SAMD12: variants seen among roughly 807,000 people sequenced by gnomAD.
SAMD12 encodes the protein sterile alpha motif domain containing 12.
SAMD12 carries 9 observed loss-of-function variants against 15.0 expected under a neutral mutation model. That is an observed-to-expected ratio of 0.60 (90% CI 0.36 to 1.05). The LOEUF (loss-of-function observed/expected upper bound fraction) is 1.05. Ranked by LOEUF, SAMD12 falls within the 50% of genes least tolerant of loss-of-function variation. The pLI, the probability that SAMD12 is intolerant of heterozygous loss-of-function variation, is 0.01. For synonymous variants in SAMD12, 86 were observed against 90.1 expected (o/e 0.96, Z 0.25); for missense variants, 230 against 234.2 (o/e 0.98, Z 0.12).
chr8:118,348,844 A>G (rs1164848416), intron 4 of SAMD12, among the ~76,000 whole-genome samples: 2 of 152,228 alleles, frequency 1.3e-5, no homozygotes, highest in East Asian at 1.9e-4. Context: ...AACAGTCCCA[A>G]GTGGAGTTGG....
chr8:118,435,816 TTTTAA>T (rs1822561747), intron 3 of SAMD12, among the ~76,000 whole-genome samples: 1 of 152,190 alleles, frequency 6.6e-6, no homozygotes, highest in South Asian at 2.1e-4. Context: ...ATCTTTAAGA[TTTTAA>T]TTTAACTTAT....
chr8:118,442,223 T>C (rs1001844222), intron 2 of SAMD12, among the ~76,000 whole-genome samples: 1 of 152,250 alleles, frequency 6.6e-6, no homozygotes, highest in East Asian at 1.9e-4. Context: ...TAATTTTGTG[T>C]TCCCCAGAGT....
At chr8:118,612,779 C>T (rs979181729) in intron 1 of SAMD12, among the ~76,000 whole-genome samples, 1 of 152,176 alleles carries the variant, frequency 6.6e-6, no homozygotes, top group Non-Finnish European at 1.5e-5. Flanking sequence ...TAGTGGTTTA[C>T]TCATGATTAC....
chr8:118,176,321 G>A, the SAMD12 span, among the ~76,000 whole-genome samples: 1 of 151,938 alleles, frequency 6.6e-6, no homozygotes, highest in Admixed American at 6.6e-5. Context: ...AAAAGAATAT[G>A]AAAAAGAATA....
chr8:118,345,477 T>C (rs909921883), intron 4 of SAMD12, among the ~76,000 whole-genome samples: 3 of 152,196 alleles, frequency 2.0e-5, no homozygotes, highest in Non-Finnish European at 4.4e-5. Context: ...GAAAGGTTAG[T>C]AGTGGTACAA....
intron 2 of SAMD12, among the ~76,000 whole-genome samples, chr8:118,486,222 G>A (rs571072011): frequency 2.8e-4 from 43 of 152,008 alleles, no homozygotes; most frequent in East Asian, 3.9e-4. Context: ...AGACCATCCT[G>A]GCTAACACGG....
At chr8:118,558,160 C>A (rs888860560) in intron 2 of SAMD12, among the ~76,000 whole-genome samples, 1 of 152,074 alleles carries the variant, frequency 6.6e-6, no homozygotes, top group East Asian at 1.9e-4. Flanking sequence ...GCATATTTAT[C>A]TTTAGTTTTG....
At chr8:118,559,092 T>C (rs1329383593) in intron 2 of SAMD12, among the ~76,000 whole-genome samples, 2 of 152,220 alleles carry the variant, frequency 1.3e-5, no homozygotes, top group African/African-American at 2.4e-5. Flanking sequence ...ATTTTGGTTC[T>C]GGCATCTGTC....
intron 4 of SAMD12, among the ~76,000 whole-genome samples, chr8:118,272,605 C>T (rs1008918521): frequency 6.6e-6 from 1 of 152,154 alleles, no homozygotes; most frequent in African/African-American, 2.4e-5. Flanking sequence ...CTTTTATGGT[C>T]TGCTTCCTCT....
At chr8:118,317,399 TG>T (rs1815973617) in intron 4 of SAMD12, among the ~76,000 whole-genome samples, 1 of 152,048 alleles carries the variant, frequency 6.6e-6, no homozygotes, top group African/African-American at 2.4e-5. Context: ...ACGAGAATTA[TG>T]GAATGCATAA....
chr8:118,300,694 C>G (rs969367660), intron 4 of SAMD12, among the ~76,000 whole-genome samples: 1 of 152,190 alleles, frequency 6.6e-6, no homozygotes, highest in African/African-American at 2.4e-5. Context: ...ACAAGCCCTT[C>G]AGGCGATTCC....
At chr8:118,495,598 G>A (rs1824587573) in intron 2 of SAMD12, among the ~76,000 whole-genome samples, 1 of 143,576 alleles carries the variant, frequency 7.0e-6, no homozygotes, top group South Asian at 2.2e-4. Context: ...CTAATTTTTG[G>A]TTAAGAGAAT....
At chr8:118,547,094 C>T (rs991298042) in intron 2 of SAMD12, among the ~76,000 whole-genome samples, 4 of 152,130 alleles carry the variant, frequency 2.6e-5, no homozygotes, top group South Asian at 2.1e-4. Context: ...AACAGATAAA[C>T]GCAGAGATGG....
In SAMD12 at chr8:118,445,549, T is replaced by C. The variant is rs1201182606; in HGVS notation, c.193-5588A>G. Reference sequence around the variant, plus strand: ...TTAACAGGTAAAAGAAGAATACATATCCCCTTAGGTGAAAGAAAGATAAAT... The same window carrying C: ...TTAACAGGTAAAAGAAGAATACATACCCCCTTAGGTGAAAGAAAGATAAAT... On this transcript the variant is annotated intron_variant, in intron 2 of 3. Coordinates refer to ENST00000314727, the MANE Select transcript of SAMD12 (RefSeq NM_207506.3). Among the ~76,000 whole-genome samples, 4 of 152,136 alleles carry C rather than the reference T, an allele frequency of 2.6e-5. No homozygotes were observed. The East Asian group carries it at 7.7e-4, about 29-fold the overall frequency.
intron 4 of SAMD12, chr8:118,282,372 T>A (rs1813691401): frequency 2.2e-6 from 1 of 456,094 alleles, no homozygotes; most frequent in African/African-American, 2.0e-5. Context: ...TCGTATAGGC[T>A]GGTGTTGGTT....
In SAMD12 at chr8:118,486,724, T is replaced by TAA. The variant is rs60693787; in HGVS notation, c.193-46765_193-46764dup. Among the ~76,000 whole-genome samples the TAA allele has an allele frequency of 6.4e-3, 971 of 151,900 alleles. 11 individuals carry two copies. The highest frequency in any genetic ancestry group is 0.022 in the African/African-American group (900 of 41,408). The stretch of plus-strand genomic sequence containing the variant: ...ATTTGTGGTAATTTGCTAAATAACG[T>TAA]AAAAAAATATACCGTAGGCAGTATT... On this transcript the variant is annotated intron_variant, in intron 2 of 3. Coordinates refer to ENST00000314727, the MANE Select transcript of SAMD12 (RefSeq NM_207506.3).
At chr8:118,375,206 G>C (rs1412682048), downstream of SAMD12, among the ~76,000 whole-genome samples, 2 of 152,106 alleles carry the variant, frequency 1.3e-5, no homozygotes, top group Admixed American at 6.6e-5. Flanking sequence ...CCTGGAGATG[G>C]AAATTATTAG....
At chr8:118,266,876 T>A (rs1377345826) in intron 4 of SAMD12, among the ~76,000 whole-genome samples, 2 of 152,042 alleles carry the variant, frequency 1.3e-5, no homozygotes, top group Non-Finnish European at 2.9e-5. Context: ...TGATAAAAAA[T>A]TTAATTTAAC....
the SAMD12 span, among the ~76,000 whole-genome samples, chr8:118,174,690 T>C: frequency 6.6e-6 from 1 of 152,048 alleles, no homozygotes; most frequent in African/African-American, 2.4e-5. Flanking sequence ...AGGTAAAAAG[T>C]GGGGGTGAAG....
Sources: gnomAD v4.1 joint callset for allele counts (sites outside exome capture counted in the v4.1 genomes callset) on GRCh38, gnomAD v4.1.1 for gene constraint, MANE v1.5 for transcripts, NCBI Gene and HGNC (gene_info 2026-07-23, HGNC 2026-07-21) for gene names.